ST3GAL3: variants seen among roughly 807,000 people sequenced by gnomAD.
The protein encoded by ST3GAL3 is ST3 beta-galactoside alpha-2,3-sialyltransferase 3.
A neutral mutation model predicts 50.1 loss-of-function variants in ST3GAL3; 21 were observed. The observed-to-expected ratio is 0.42, with a 90% CI of 0.30 to 0.60. ST3GAL3 has a LOEUF of 0.60. Among genes scored for constraint, ST3GAL3 ranks in the 20% least tolerant of loss-of-function variants. The pLI, the probability that ST3GAL3 is intolerant of heterozygous loss-of-function variation, is 0.19. For synonymous variants in ST3GAL3, 183 were observed against 190.0 expected, an observed-to-expected ratio of 0.96 and a Z score of 0.30; for missense variants, 353 against 489.4, an observed-to-expected ratio of 0.72 and a Z score of 2.63.
Position 43,713,218 on chromosome 1 carries a change from A to G in ST3GAL3, c.-31+5525A>G, listed in dbSNP as rs1005743027. Among the ~76,000 whole-genome samples the G allele has an allele frequency of 5.6e-4, 86 of 152,330 alleles. 1 individual carries two copies. Among genetic ancestry groups the G allele is most frequent in the African/African-American group, 2.0e-3 (85 of 41,582 alleles). ...CCTAGGGCTAGATGAGCAGCAGACCAGGATTTCAGTCATAGCCTGGCCAGT... is the reference window on the plus strand; with the variant it reads ...CCTAGGGCTAGATGAGCAGCAGACCGGGATTTCAGTCATAGCCTGGCCAGT... On this transcript the variant is annotated intron_variant, in intron 1 of 11. Coordinates refer to ENST00000347631, the MANE Select transcript of ST3GAL3 (RefSeq NM_006279.5).
intron 2 of ST3GAL3, among the ~76,000 whole-genome samples, chr1:43,789,954 A>G (rs1214557357): frequency 6.6e-6 from 1 of 152,058 alleles, no homozygotes; most frequent in Non-Finnish European, 1.5e-5. Context: ...CTGTTCAGCC[A>G]AGTGTCCTGA....
In ST3GAL3 at chr1:43,791,300, C is replaced by T. The variant is rs55820875; in HGVS notation, c.119-802C>T. On this transcript the variant is annotated intron_variant, in intron 2 of 11. Transcript: ENST00000347631. The stretch of plus-strand genomic sequence containing the variant: ...TTTGGTAACATTTTTTTCTCCTAGA[C>T]TGATAGCAGAAAGATCAATAAGGAT... 6.6e-3 allele frequency among the ~76,000 whole-genome samples: 1,000 copies of T among 152,262 alleles called. 18 individuals carry two copies. Among genetic ancestry groups the T allele is most frequent in the African/African-American group, 0.023 (946 of 41,532 alleles).
chr1:43,870,320 A>C (rs1402164758), intron 5 of ST3GAL3, among the ~76,000 whole-genome samples: 1 of 152,262 alleles, frequency 6.6e-6, no homozygotes, highest in South Asian at 2.1e-4. Context: ...TGTAAGTGAC[A>C]TAAGTAGGAA....
chr1:43,743,516 T>C lies in ST3GAL3; in HGVS notation c.118+7136T>C, dbSNP rs1682011453. 6.9e-6 allele frequency: 3 copies of C among 431,764 alleles called. No individual in the cohort carries two copies. The Admixed American group carries it at 7.6e-5, about 11-fold the overall frequency. 26.7% of individuals were successfully genotyped at this position (431,764 alleles called of 1,614,324 possible). A position where few individuals can be genotyped will look rare whatever the true frequency, so the allele number is the denominator to read the frequency against. ...AAGGTGGTGGGGCAGATTGGTTCTG[T>C]GGTGCAGTTTAAGATTAAGAGGGAT... On this transcript the variant is annotated intron_variant, in intron 2 of 11. Transcript: ENST00000347631.
intron 1 of ST3GAL3, among the ~76,000 whole-genome samples, chr1:43,716,197 A>G (rs565135655): frequency 1.3e-5 from 2 of 152,320 alleles, no homozygotes; most frequent in African/African-American, 4.8e-5. Flanking sequence ...ACCGAAATAG[A>G]TGTTTATTTT....
chr1:43,927,801 G>A (rs2084269981), intron 11 of ST3GAL3, among the ~76,000 whole-genome samples: 2 of 152,186 alleles, frequency 1.3e-5, no homozygotes, highest in African/African-American at 2.4e-5. Flanking sequence ...ATAATGACAG[G>A]AGCCTTGAAG....
intron 3 of ST3GAL3, among the ~76,000 whole-genome samples, chr1:43,805,799 G>A (rs879676627): frequency 2.6e-5 from 4 of 152,104 alleles, no homozygotes; most frequent in Non-Finnish European, 4.4e-5. Flanking sequence ...GCAGTGGTGC[G>A]ATCTCGGCTC....
At chr1:43,915,990 G>C (rs1202198318) in intron 9 of ST3GAL3, among the ~76,000 whole-genome samples, 2 of 152,132 alleles carry the variant, frequency 1.3e-5, no homozygotes, top group East Asian at 3.8e-4. Flanking sequence ...ATGGTGGCAG[G>C]CACCTGTAAT....
rs1208622737 is a variant in ST3GAL3 at position 43,917,556 on chromosome 1, ATATAT to A, written c.745-2837_745-2833del. Among the ~76,000 whole-genome samples the A allele has an allele frequency of 2.0e-3, 173 of 85,896 alleles. 1 individual carries two copies. Among genetic ancestry groups the A allele is most frequent in the African/African-American group, 4.8e-3 (98 of 20,318 alleles). 56.4% of individuals were successfully genotyped at this position (85,896 alleles called of 152,430 possible). Reference sequence around the variant, plus strand: ...TATAATATATTATGTATTATATATAATATATTATATTATATAATATATTACGTATT... The same window carrying A: ...TATAATATATTATGTATTATATATAATATATTATATAATATATTACGTATT... On this transcript the variant is annotated intron_variant, in intron 9 of 11. Transcript: ENST00000347631.
At chr1:43,856,464 T>C (rs1490200235) in intron 5 of ST3GAL3, among the ~76,000 whole-genome samples, 2 of 152,228 alleles carry the variant, frequency 1.3e-5, no homozygotes, top group Non-Finnish European at 2.9e-5. Context: ...ACCATGGACC[T>C]AGAGGGGAAT....
chr1:43,789,454 C>T (rs922317392), intron 2 of ST3GAL3, among the ~76,000 whole-genome samples: 1 of 152,110 alleles, frequency 6.6e-6, no homozygotes, highest in Non-Finnish European at 1.5e-5. Context: ...CATTGAATTG[C>T]ACACTTATAT....
At chr1:43,800,199 A>C (rs765282753) in intron 3 of ST3GAL3, among the ~76,000 whole-genome samples, 1 of 152,270 alleles carries the variant, frequency 6.6e-6, no homozygotes, top group South Asian at 2.1e-4. Flanking sequence ...ACATACACCC[A>C]TTTGAGATTG....
At chr1:43,808,535 T>C (rs1388584454) in intron 3 of ST3GAL3, among the ~76,000 whole-genome samples, 1 of 152,172 alleles carries the variant, frequency 6.6e-6, no homozygotes, top group Non-Finnish European at 1.5e-5. Flanking sequence ...AGGGCACTGA[T>C]CTCTGAAAGA....
intron 5 of ST3GAL3, among the ~76,000 whole-genome samples, chr1:43,846,128 T>C (rs1283631100): frequency 1.3e-5 from 2 of 152,244 alleles, no homozygotes; most frequent in Non-Finnish European, 2.9e-5. Context: ...ATTCTATAAA[T>C]GGCAATTAGC....
In ST3GAL3 at chr1:43,848,287, T is replaced by C. The variant is rs537835109; in HGVS notation, c.302+9976T>C. ...AATTTTATTATGGTGTCCCTTGTTG[T>C]GGTTTTCTTTTTTTTTTTTTTTTTT... On this transcript the variant is annotated intron_variant, in intron 5 of 11. Coordinates refer to ENST00000347631, the MANE Select transcript of ST3GAL3 (RefSeq NM_006279.5). Among the ~76,000 whole-genome samples the C allele has an allele frequency of 6.1e-4, 83 of 136,140 alleles. 1 individual carries two copies. In the South Asian group the frequency reaches 7.2e-3, roughly 12 times the overall value. 89.3% of individuals were successfully genotyped at this position (136,140 alleles called of 152,430 possible). A position where few individuals can be genotyped will look rare whatever the true frequency, so the allele number is the denominator to read the frequency against.
At chr1:43,758,921 G>T (rs1360124356) in intron 2 of ST3GAL3, among the ~76,000 whole-genome samples, 1 of 147,452 alleles carries the variant, frequency 6.8e-6, no homozygotes, top group African/African-American at 2.5e-5. Context: ...TGTGCTTGTA[G>T]TCCTAGCTAC....
chr1:43,745,002 AAAAGAAAG>A (rs202083387), intron 2 of ST3GAL3, among the ~76,000 whole-genome samples: 2 of 151,154 alleles, frequency 1.3e-5, no homozygotes, highest in African/African-American at 4.8e-5. Context: ...AAAAAAAGAA[AAAAGAAAG>A]AAAGAAAGAA....
intron 5 of ST3GAL3, chr1:43,851,170 G>A (rs2067224028): frequency 2.2e-6 from 3 of 1,374,282 alleles, no homozygotes; most frequent in South Asian, 1.2e-5. Context: ...GGAAGAGGCG[G>A]GTGTTCTCCT....
In ST3GAL3 at chr1:43,907,317, T is replaced by A. The variant is rs1161713631; in HGVS notation, c.744+7590T>A. On this transcript the variant is annotated intron_variant, in intron 9 of 11. Coordinates refer to ENST00000347631, the MANE Select transcript of ST3GAL3 (RefSeq NM_006279.5). ...AGTCTCACTCACTCGACAGCTCCCT[T>A]TCCCAGTGCTTTCCTTCAGATCCAG... is the stretch of plus-strand genomic sequence containing the variant. Among the ~76,000 whole-genome samples, 4 of 152,200 alleles carry A rather than the reference T, an allele frequency of 2.6e-5. No individual in the cohort carries two copies. In the South Asian group the frequency reaches 8.3e-4, roughly 31 times the overall value.
Sources: gnomAD v4.1 joint callset for allele counts (sites outside exome capture counted in the v4.1 genomes callset) on GRCh38, gnomAD v4.1.1 for gene constraint, MANE v1.5 for transcripts, NCBI Gene and HGNC (gene_info 2026-07-23, HGNC 2026-07-21) for gene names.